Variants in NRXN1 observed in about 807,000 individuals in gnomAD.
NRXN1 encodes the protein neurexin 1, also known as neurexin-1.
NRXN1 carries 39 observed loss-of-function variants against 150.9 expected under a neutral mutation model. The ratio of observed to expected loss-of-function variants is 0.26; its 90% confidence interval spans 0.20 to 0.34. The LOEUF (loss-of-function observed/expected upper bound fraction) is 0.34. Among genes scored for constraint, NRXN1 ranks in the 10% least tolerant of loss-of-function variants. The pLI is 1.00. For synonymous variants in NRXN1, 924 were observed against 757.0 expected (o/e 1.22, Z -3.62); for missense variants, 1,815 against 1,949.9 (o/e 0.93, Z 1.30).
chr2:50,905,240 A>C (rs1190503026), intron 5 of NRXN1, among the ~76,000 whole-genome samples: 1 of 152,122 alleles, frequency 6.6e-6, no homozygotes, highest in Non-Finnish European at 1.5e-5. Flanking sequence ...ATGTCTTTTT[A>C]AAGTGGGACT....
At chr2:50,409,476 T>A (rs966695709) in intron 17 of NRXN1, among the ~76,000 whole-genome samples, 1 of 152,232 alleles carries the variant, frequency 6.6e-6, no homozygotes, top group Non-Finnish European at 1.5e-5. Flanking sequence ...ACCATTTGCA[T>A]CTCTTGGTTA....
At chr2:50,700,196 T>C (rs1693532242) in intron 5 of NRXN1, among the ~76,000 whole-genome samples, 1 of 152,208 alleles carries the variant, frequency 6.6e-6, no homozygotes, top group South Asian at 2.1e-4. Flanking sequence ...TATCCAAATC[T>C]AAAGTCATCT....
intron 15 of NRXN1, among the ~76,000 whole-genome samples, chr2:50,476,053 T>A (rs150570669): frequency 3.3e-5 from 5 of 152,224 alleles, no homozygotes; most frequent in Non-Finnish European, 7.4e-5. Context: ...AATGAGTGGC[T>A]GATTTTTAAT....
chr2:50,748,373 G>A (rs948248097), intron 5 of NRXN1, among the ~76,000 whole-genome samples: 14 of 152,066 alleles, frequency 9.2e-5, no homozygotes, highest in South Asian at 2.1e-4. Context: ...ATAAAATGTC[G>A]ATTTGATTTT....
rs977549404 is a variant in NRXN1, at chr2:50,062,571, C to T, written c.3719-7527G>A. On this transcript the variant is annotated intron_variant, in intron 19 of 22. Coordinates refer to ENST00000401669, the MANE Select transcript of NRXN1 (RefSeq NM_001330078.2). Reference sequence around the variant, plus strand: ...TATTCTATATGAACAAGCAGACTTCCGGGAAATGAGAGTAATTACAAAGAA... The same window carrying T: ...TATTCTATATGAACAAGCAGACTTCTGGGAAATGAGAGTAATTACAAAGAA... Among the ~76,000 whole-genome samples the T allele has an allele frequency of 1.6e-4, 25 of 151,930 alleles. 1 individual carries two copies. Among genetic ancestry groups the T allele is most frequent in the Non-Finnish European group, 2.9e-4 (20 of 67,972 alleles).
rs554364058 is a variant in NRXN1 at position 50,551,661 on chromosome 2, G to A, written c.1759+926C>T. Among the ~76,000 whole-genome samples, 7 of 152,292 alleles carry A rather than the reference G, an allele frequency of 4.6e-5. No homozygotes were observed. The East Asian group carries it at 1.4e-3, about 29-fold the overall frequency. On this transcript the variant is annotated intron_variant, in intron 9 of 22. Coordinates refer to ENST00000401669, the MANE Select transcript of NRXN1 (RefSeq NM_001330078.2). ...TCTATTATAAGATCATTTGATTTAT[G>A]TATGAGTAGGACAATCAGAGCATGG...
intron 17 of NRXN1, among the ~76,000 whole-genome samples, chr2:50,307,620 A>G (rs146627051): frequency 1.2e-4 from 18 of 152,262 alleles, no homozygotes; most frequent in Non-Finnish European, 2.5e-4. Context: ...ATTTTTCCTT[A>G]TATTAATAAT....
chr2:50,420,174 T>C (rs994348066), intron 17 of NRXN1, among the ~76,000 whole-genome samples: 1 of 151,968 alleles, frequency 6.6e-6, no homozygotes. Flanking sequence ...ATAAAAGGTA[T>C]CCAAGAAAAG....
chr2:50,851,819 G>C (rs776650312), intron 5 of NRXN1, among the ~76,000 whole-genome samples: 1 of 152,076 alleles, frequency 6.6e-6, no homozygotes, highest in Non-Finnish European at 1.5e-5. Flanking sequence ...CCCTCGAAAG[G>C]ACCCTTAAAT....
intron 21 of NRXN1, among the ~76,000 whole-genome samples, chr2:50,030,880 A>AT (rs1689078270): frequency 6.6e-6 from 1 of 152,024 alleles, no homozygotes; most frequent in Non-Finnish European, 1.5e-5. Context: ...CAAAGTAAGT[A>AT]TTTTTTCAGG....
chr2:50,252,274 T>C lies in NRXN1; in HGVS notation c.3365-15304A>G, dbSNP rs1467496777. Among the ~76,000 whole-genome samples, 5 of 122,066 alleles carry C rather than the reference T, an allele frequency of 4.1e-5. No individual in the cohort carries two copies. The Admixed American group carries it at 4.2e-4, about 10-fold the overall frequency. The allele number at this position is 122,066 out of a possible 152,430, so 80.1% of individuals were successfully genotyped here. A position where few individuals can be genotyped will look rare whatever the true frequency, so the allele number is the denominator to read the frequency against. On this transcript the variant is annotated intron_variant, in intron 17 of 22. Transcript: ENST00000401669. ...TTTTCTTTTCTTTTTTTTTTTTTTT[T>C]TTTGAGACAGAGTATCCCTCTATCA... is the stretch of plus-strand genomic sequence containing the variant.
At chr2:50,839,975 G>A (rs1362885835) in intron 5 of NRXN1, among the ~76,000 whole-genome samples, 15 of 152,108 alleles carry the variant, frequency 9.9e-5, no homozygotes, top group Non-Finnish European at 2.1e-4. Flanking sequence ...ATGGCTGAAA[G>A]CTTTAAATCC....
rs574908390 is a variant in NRXN1 at position 50,944,698 on chromosome 2, T to C, written c.773-18743A>G. On this transcript the variant is annotated intron_variant, in intron 2 of 22. Coordinates refer to ENST00000401669, the MANE Select transcript of NRXN1 (RefSeq NM_001330078.2). ...AATTGATTTCCAAAATGGTGCAGTA[T>C]AATTAGGAAATTCATGAGTCAAATT... is the stretch of plus-strand genomic sequence containing the variant. Among the ~76,000 whole-genome samples, 6 of 152,314 alleles carry C rather than the reference T, an allele frequency of 3.9e-5. No homozygotes were observed. The South Asian group carries it at 8.3e-4, about 21-fold the overall frequency.
chr2:50,249,639 T>C (rs1370526284), intron 17 of NRXN1, among the ~76,000 whole-genome samples: 1 of 122,774 alleles, frequency 8.1e-6, no homozygotes, highest in African/African-American at 3.2e-5. Flanking sequence ...ATTTCTTTCC[T>C]TTCTTTTTTT....
At chr2:50,906,652 T>A (rs1458168120) in intron 5 of NRXN1, among the ~76,000 whole-genome samples, 1 of 152,228 alleles carries the variant, frequency 6.6e-6, no homozygotes, top group Non-Finnish European at 1.5e-5. Context: ...TCTTGACCTT[T>A]ATCTGTTTCT....
At chr2:50,273,094 A>G (rs1018536883) in intron 17 of NRXN1, among the ~76,000 whole-genome samples, 2 of 152,158 alleles carry the variant, frequency 1.3e-5, no homozygotes, top group East Asian at 1.9e-4. Context: ...AGAAAGATCA[A>G]TGAAAACGAC....
chr2:50,108,092 T>C (rs911382309), intron 18 of NRXN1, among the ~76,000 whole-genome samples: 1 of 151,760 alleles, frequency 6.6e-6, no homozygotes, highest in Non-Finnish European at 1.5e-5. Context: ...TGGAAAAATA[T>C]CCAAGAACTA....
At chr2:50,669,875 C>CA (rs35701701) in intron 5 of NRXN1, among the ~76,000 whole-genome samples, 29 of 150,226 alleles carry the variant, frequency 1.9e-4, no homozygotes, top group South Asian at 4.2e-4. Context: ...AAAACAACAA[C>CA]AAAAAAAACG....
chr2:49,974,045 T>A (rs1331693506), intron 21 of NRXN1: 2 of 717,416 alleles, frequency 2.8e-6, no homozygotes, highest in Non-Finnish European at 5.2e-6. Flanking sequence ...TTCTTAATTC[T>A]TAATGGAAAT....
Sources: allele counts gnomAD v4.1 joint callset (sites outside exome capture counted in the v4.1 genomes callset), GRCh38; gene constraint gnomAD v4.1.1; transcripts MANE v1.5; gene names NCBI Gene and HGNC (gene_info 2026-07-23, HGNC 2026-07-21).